The following TANC2 variants were observed in gnomAD, a reference collection of about 807,000 sequenced individuals.
The protein encoded by TANC2 is protein TANC2.
In TANC2, 26 loss-of-function variants were observed where a neutral mutation model predicts 210.5. The observed-to-expected ratio is 0.12, with a 90% CI of 0.09 to 0.17. The LOEUF (loss-of-function observed/expected upper bound fraction) is 0.17, where lower values mean the gene tolerates loss of function less well. Among genes scored for constraint, TANC2 ranks in the 10% least tolerant of loss-of-function variants. The pLI is 1.00. For synonymous variants in TANC2, 931 were observed against 967.1 expected (o/e 0.96, Z 0.69); for missense variants, 2,129 against 2,608.9 (o/e 0.82, Z 4.01).
At chr17:63,148,769 C>A (rs777682368) in intron 4 of TANC2, 1 of 152,074 alleles carries the variant, frequency 6.6e-6, no homozygotes, top group Non-Finnish European at 1.5e-5. Context: ...ATCTTATGTA[C>A]CATTTTTTAC....
At chr17:63,340,461 G>A in intron 12 of TANC2, 129 bp downstream of exon 12, 2 of 641,300 alleles carry the variant, frequency 3.1e-6, no homozygotes, top group Non-Finnish European at 4.7e-6. Context: ...ATATCCTGTA[G>A]GATACAGTTA....
At chr17:63,181,226 T>C (rs1297556781) in intron 5 of TANC2, among the ~76,000 whole-genome samples, 1 of 152,038 alleles carries the variant, frequency 6.6e-6, no homozygotes, top group African/African-American at 2.4e-5. Context: ...GTGATACATA[T>C]CTTTAATGGT....
intron 4 of TANC2, among the ~76,000 whole-genome samples, chr17:63,133,912 T>C (rs1251468532): frequency 6.6e-6 from 1 of 152,182 alleles, no homozygotes; most frequent in Admixed American, 6.5e-5. Flanking sequence ...ATTAGCATGA[T>C]TTTAAATCAT....
chr17:63,190,106 G>A (rs2041133375), intron 5 of TANC2, among the ~76,000 whole-genome samples: 1 of 152,080 alleles, frequency 6.6e-6, no homozygotes, highest in South Asian at 2.1e-4. Context: ...AGGGTGAAGT[G>A]GGAGGATTGC....
At chr17:63,233,830 AC>A (rs2042547228) in intron 7 of TANC2, among the ~76,000 whole-genome samples, 2 of 152,170 alleles carry the variant, frequency 1.3e-5, no homozygotes, top group Admixed American at 6.5e-5. Flanking sequence ...CTTTGGATAA[AC>A]CATTGTTTTT....
At chr17:63,221,461 G>T (rs978940968) in intron 7 of TANC2, among the ~76,000 whole-genome samples, 51 of 134,250 alleles carry the variant, frequency 3.8e-4, no homozygotes, top group Non-Finnish European at 4.8e-4. Context: ...AAAAAAAAAA[G>T]AAAGAAAATG....
rs2147350147 is a variant in TANC2 at position 63,412,604 on chromosome 17, C to T, written c.3899-76C>T. 1 of 1,361,878 alleles carries T rather than the reference C, an allele frequency of 7.3e-7. No homozygotes were observed. Among genetic ancestry groups the T allele is most frequent in the East Asian group, 2.5e-5 (1 of 40,034 alleles). The allele number at this position is 1,361,878 out of a possible 1,614,324, so 84.4% of individuals were successfully genotyped here. ...GCCTGCCTCTCACTGCTGCTTTTTC[C>T]TTCTTTTTTTTTTTTTCACCTTCAT... On this transcript the variant is annotated intron_variant, in intron 23 of 27. Coordinates refer to ENST00000689528, the Ensembl canonical transcript of TANC2. The surrounding 1 kb of genome is among the most constrained non-coding windows in gnomAD (Gnocchi z 4.2).
At chr17:63,184,654 TC>T in intron 5 of TANC2, among the ~76,000 whole-genome samples, 1 of 146,814 alleles carries the variant, frequency 6.8e-6, no homozygotes, top group East Asian at 2.1e-4. Flanking sequence ...TAGTATGTAT[TC>T]TTTTTTTTTT....
intron 9 of TANC2, among the ~76,000 whole-genome samples, chr17:63,310,298 T>C (rs1286116249): frequency 6.6e-6 from 1 of 151,972 alleles, no homozygotes; most frequent in Non-Finnish European, 1.5e-5. Context: ...AATACAAAAA[T>C]TAGCCTGGTG....
chr17:63,159,101 C>T (rs987147303), intron 5 of TANC2, among the ~76,000 whole-genome samples: 24 of 152,248 alleles, frequency 1.6e-4, no homozygotes, highest in Non-Finnish European at 5.9e-5. Context: ...GTTTTTATAA[C>T]CTAATCATGG....
chr17:63,084,530 T>G (rs1209404735), intron 3 of TANC2, among the ~76,000 whole-genome samples: 3 of 151,912 alleles, frequency 2.0e-5, no homozygotes, highest in Non-Finnish European at 4.4e-5. Context: ...ATTTCTTTTC[T>G]TCTGCTTGCT....
At chr17:63,295,027 T>G (rs1420685783) in intron 9 of TANC2, among the ~76,000 whole-genome samples, 1 of 152,232 alleles carries the variant, frequency 6.6e-6, no homozygotes, top group African/African-American at 2.4e-5. Context: ...CAGAGAATAT[T>G]CATTACATTC....
chr17:63,131,480 G>A lies in TANC2; in HGVS notation c.323-19790G>A, dbSNP rs576318990. ...AGAAAAAAAGGGGAGGATAAAACAT[G>A]TATTTCTTACCAAATATCACATCGT... On this transcript the variant is annotated intron_variant, in intron 4 of 27. Coordinates refer to ENST00000689528, the Ensembl canonical transcript of TANC2. 9.9e-5 allele frequency among the ~76,000 whole-genome samples: 15 copies of A among 151,044 alleles called. No individual in the cohort carries two copies. In the South Asian group the frequency reaches 3.1e-3, roughly 32 times the overall value.
intron 7 of TANC2, among the ~76,000 whole-genome samples, chr17:63,202,868 GTGTT>G (rs1487025724): frequency 1.3e-5 from 2 of 151,934 alleles, no homozygotes; most frequent in African/African-American, 4.8e-5. Context: ...TTTTTTGTGT[GTGTT>G]TGTGATTTTA....
intron 5 of TANC2, among the ~76,000 whole-genome samples, chr17:63,169,277 C>A (rs932971559): frequency 6.6e-6 from 1 of 152,078 alleles, no homozygotes; most frequent in Admixed American, 6.6e-5. Flanking sequence ...TATGTTAGTT[C>A]TTTTGTATTT....
chr17:63,108,175 A>G (rs1038347496), intron 4 of TANC2, among the ~76,000 whole-genome samples: 1 of 151,760 alleles, frequency 6.6e-6, no homozygotes. Context: ...GAGTTAAGGC[A>G]GATTTCATGC....
At chr17:63,289,253 A>C (rs2044313449) in intron 9 of TANC2, among the ~76,000 whole-genome samples, 2 of 152,024 alleles carry the variant, frequency 1.3e-5, no homozygotes, top group Non-Finnish European at 2.9e-5. Flanking sequence ...ATTGTTTCAA[A>C]TATTTATTCT....
intron 9 of TANC2, among the ~76,000 whole-genome samples, chr17:63,285,193 C>T (rs2146376864): frequency 6.6e-6 from 1 of 152,132 alleles, no homozygotes; most frequent in South Asian, 2.1e-4. Context: ...TCTTTGGCTT[C>T]TAATTGAAAT....
chr17:63,415,243 A>C (rs1378889116), intron 25 of TANC2, among the ~76,000 whole-genome samples: 2 of 152,250 alleles, frequency 1.3e-5, no homozygotes, highest in Non-Finnish European at 2.9e-5. Context: ...TTTGGAATCC[A>C]GTTGGGAAGT....
Sources: gnomAD v4.1 joint callset for allele counts (sites outside exome capture counted in the v4.1 genomes callset) on GRCh38, gnomAD v4.1.1 for gene constraint, Gnocchi (gnomAD v3.1) non-coding constraint, MANE v1.5 for transcripts, NCBI Gene and HGNC (gene_info 2026-07-23, HGNC 2026-07-21) for gene names.